SASH1: variants seen among roughly 807,000 people sequenced by gnomAD.
SASH1 encodes the protein SAM and SH3 domain containing 1, also known as SAM and SH3 domain-containing protein 1.
Under a neutral mutation model 125.2 loss-of-function variants are expected in SASH1, and 44 were observed. The observed-to-expected ratio is 0.35, with a 90% CI of 0.28 to 0.45. SASH1 has a LOEUF of 0.45. Among genes scored for constraint, SASH1 ranks in the 20% least tolerant of loss-of-function variants. The pLI is 1.00. For missense variants in SASH1, 1,426 were observed against 1,614.5 expected (o/e 0.88, Z 2.00); for synonymous variants, 639 against 649.1 (o/e 0.98, Z 0.24).
chr6:148,285,725 A>G (rs1202323279), intron 1 of SASH1, among the ~76,000 whole-genome samples: 1 of 152,208 alleles, frequency 6.6e-6, no homozygotes, highest in Non-Finnish European at 1.5e-5. Flanking sequence ...AGCATATATC[A>G]GTCCTGCAAC....
the SASH1 span, among the ~76,000 whole-genome samples, chr6:148,255,629 CT>C: frequency 2.6e-5 from 4 of 151,110 alleles, no homozygotes; most frequent in East Asian, 5.8e-4. Flanking sequence ...ATCACTGAGG[CT>C]TTTTTTTTAT....
intron 1 of SASH1, among the ~76,000 whole-genome samples, chr6:148,298,534 A>G (rs1779824725): frequency 6.6e-6 from 1 of 151,740 alleles, no homozygotes; most frequent in Admixed American, 6.6e-5. Context: ...CCAGCTACCC[A>G]GGAGTCTAAG....
At chr6:148,420,353 G>C (rs549758139) in intron 2 of SASH1, among the ~76,000 whole-genome samples, 2 of 152,148 alleles carry the variant, frequency 1.3e-5, no homozygotes, top group South Asian at 4.2e-4. Flanking sequence ...AATTCAGAAG[G>C]CTTAAAAAAA....
intron 1 of SASH1, among the ~76,000 whole-genome samples, chr6:148,313,538 G>A (rs1168759997): frequency 6.6e-6 from 1 of 152,140 alleles, no homozygotes; most frequent in Non-Finnish European, 1.5e-5. Context: ...GGTGGGAGAG[G>A]GAGGACATTG....
At chr6:148,254,701 A>C in the SASH1 span, among the ~76,000 whole-genome samples, 2 of 152,186 alleles carry the variant, frequency 1.3e-5, no homozygotes, top group African/African-American at 4.8e-5. Context: ...TTTTAAAAAG[A>C]TAGTGATGAG....
intron 1 of SASH1, among the ~76,000 whole-genome samples, chr6:148,389,845 G>A (rs1046324689): frequency 3.2e-4 from 48 of 152,188 alleles, no homozygotes; most frequent in East Asian, 9.6e-4. Context: ...CAGACCGTCC[G>A]AGGTTGGAGA....
At chr6:148,289,568 T>C (rs185867086) in intron 1 of SASH1, among the ~76,000 whole-genome samples, 6 of 152,350 alleles carry the variant, frequency 3.9e-5, no homozygotes, top group African/African-American at 1.2e-4. Flanking sequence ...TAAAGTAAGT[T>C]AGAGCTGGCT....
At chr6:148,230,780 G>GA in the SASH1 span, among the ~76,000 whole-genome samples, 9 of 151,784 alleles carry the variant, frequency 5.9e-5, no homozygotes, top group African/African-American at 1.7e-4. Flanking sequence ...TGTCTTCTTT[G>GA]AAAAAAATGT....
the SASH1 span, among the ~76,000 whole-genome samples, chr6:148,264,373 T>C: frequency 6.6e-6 from 1 of 152,212 alleles, no homozygotes; most frequent in Non-Finnish European, 1.5e-5. Flanking sequence ...CTTCTGCTTT[T>C]TCTAACAAGT....
At chr6:148,447,956 C>T (rs530933026) in intron 4 of SASH1, among the ~76,000 whole-genome samples, 4 of 152,252 alleles carry the variant, frequency 2.6e-5, no homozygotes, top group African/African-American at 9.6e-5. Context: ...CTGCCCACTC[C>T]CCGACCTTTC....
intron 2 of SASH1, among the ~76,000 whole-genome samples, chr6:148,410,423 G>A (rs546496375): frequency 4.6e-5 from 7 of 152,124 alleles, no homozygotes; most frequent in Admixed American, 2.6e-4. Flanking sequence ...ATGTTGGGGC[G>A]GCTGTATGTT....
chr6:148,222,810 C>T, the SASH1 span, among the ~76,000 whole-genome samples: 1 of 151,962 alleles, frequency 6.6e-6, no homozygotes, highest in South Asian at 2.1e-4. Flanking sequence ...CTCTCTCAGT[C>T]CCTCCAAATA....
chr6:148,228,069 A>G, the SASH1 span, among the ~76,000 whole-genome samples: 1 of 152,198 alleles, frequency 6.6e-6, no homozygotes, highest in Non-Finnish European at 1.5e-5. Context: ...TGAAAACTGT[A>G]AGAGGATTCA....
intron 1 of SASH1, among the ~76,000 whole-genome samples, chr6:148,388,496 A>G (rs936161503): frequency 2.6e-5 from 4 of 152,204 alleles, no homozygotes; most frequent in Non-Finnish European, 5.9e-5. Flanking sequence ...CTGGCCTTAG[A>G]AGAGTCCTTC....
intron 1 of SASH1, among the ~76,000 whole-genome samples, chr6:148,301,686 C>A (rs906078196): frequency 3.3e-5 from 5 of 151,548 alleles, no homozygotes; most frequent in African/African-American, 1.2e-4. Flanking sequence ...TGAAGCATTC[C>A]TTTCACCTCC....
chr6:148,215,841 T>TTTTA, the SASH1 span, among the ~76,000 whole-genome samples: 4 of 151,950 alleles, frequency 2.6e-5, no homozygotes, highest in East Asian at 1.9e-4. Flanking sequence ...ATATCTACTT[T>TTTTA]TTTATTTATT....
At chr6:148,510,957 C>A (rs1404604563) in intron 8 of SASH1, among the ~76,000 whole-genome samples, 2 of 146,696 alleles carry the variant, frequency 1.4e-5, no homozygotes, top group African/African-American at 5.1e-5. Context: ...GATCGCACCA[C>A]TGCACCCCAG....
At position 148,512,167 on chromosome 6, in the gene SASH1, C is replaced by T. The variant is rs149816821; in HGVS notation, c.730-2157C>T. On this transcript the variant is annotated intron_variant, in intron 8 of 19. Transcript: ENST00000367467. ...CTGAGTAGCTGGGACTACAGGCACC[C>T]GCCACCACGCCCAGCTAATTTTTTG... Among the ~76,000 whole-genome samples, 1,362 of 152,136 alleles carry T rather than the reference C, an allele frequency of 9.0e-3. 25 individuals carry two copies. The highest frequency in any genetic ancestry group is 0.03 in the African/African-American group (1,237 of 41,520).
chr6:148,331,140 A>T (rs2093191846), intron 1 of SASH1, among the ~76,000 whole-genome samples: 1 of 152,124 alleles, frequency 6.6e-6, no homozygotes, highest in South Asian at 2.1e-4. Context: ...TTTGATCCTC[A>T]TGGGCATCTG....
Sources: allele counts gnomAD v4.1 joint callset (sites outside exome capture counted in the v4.1 genomes callset), GRCh38; gene constraint gnomAD v4.1.1; transcripts MANE v1.5; gene names NCBI Gene and HGNC (gene_info 2026-07-23, HGNC 2026-07-21).